The following PTPRD variants were observed in gnomAD, a reference collection of about 807,000 sequenced individuals.
PTPRD encodes receptor-type tyrosine-protein phosphatase delta.
In PTPRD, 34 loss-of-function variants were observed where a neutral mutation model predicts 214.5. The observed-to-expected ratio is 0.16, with a 90% confidence interval of 0.12 to 0.21. The LOEUF (loss-of-function observed/expected upper bound fraction) is 0.21. Ranked by LOEUF, PTPRD falls within the 10% of genes least tolerant of loss-of-function variation. PTPRD has a pLI of 1.00. For synonymous variants in PTPRD, 1,128 were observed against 845.7 expected, an observed-to-expected ratio of 1.33 and a Z score of -5.79; for missense variants, 2,545 against 2,398.7, an observed-to-expected ratio of 1.06 and a Z score of -1.27.
intron 10 of PTPRD, among the ~76,000 whole-genome samples, chr9:9,074,671 AT>A (rs2099748449): frequency 1.3e-5 from 2 of 152,014 alleles, no homozygotes; most frequent in African/African-American, 4.8e-5. Flanking sequence ...CTTTTGAGAA[AT>A]GTCTATTCAG....
intron 5 of PTPRD, among the ~76,000 whole-genome samples, chr9:9,856,227 C>T (rs1486497509): frequency 6.6e-6 from 1 of 152,128 alleles, no homozygotes; most frequent in East Asian, 1.9e-4. Flanking sequence ...GACATCCAGC[C>T]ACTCTTCCTC....
intron 4 of PTPRD, among the ~76,000 whole-genome samples, chr9:9,954,191 G>T (rs1203349030): frequency 6.0e-5 from 9 of 150,728 alleles, no homozygotes; most frequent in Non-Finnish European, 1.2e-4. Flanking sequence ...AGCTACTTGG[G>T]AGGCTGAGGG....
At chr9:10,179,243 C>A (rs1384939906) in intron 3 of PTPRD, among the ~76,000 whole-genome samples, 1 of 151,400 alleles carries the variant, frequency 6.6e-6, no homozygotes, top group Admixed American at 6.6e-5. Flanking sequence ...ATGCTTTTTT[C>A]AGCTTAAAAG....
chr9:8,435,700 TACACACACAC>T (rs3043782), intron 35 of PTPRD, among the ~76,000 whole-genome samples: 6 of 148,778 alleles, frequency 4.0e-5, no homozygotes, highest in African/African-American at 7.4e-5. Context: ...AATATCCAAA[TACACACACAC>T]ACACACACAC....
At chr9:9,170,237 A>G (rs1356024389) in intron 10 of PTPRD, among the ~76,000 whole-genome samples, 11 of 152,188 alleles carry the variant, frequency 7.2e-5, no homozygotes, top group Non-Finnish European at 1.2e-4. Context: ...ACTAAGCTGA[A>G]TTATTTTTCT....
rs535494466 is a variant in PTPRD, at chr9:8,930,682, C to A, written c.-104+88015G>T. 7.6e-4 allele frequency among the ~76,000 whole-genome samples: 115 copies of A among 152,136 alleles called. 2 individuals carry two copies. The highest frequency in any genetic ancestry group is 6.4e-3 in the Admixed American group (98 of 15,250). ...ACTGGTGTGAGATGGTATCTCATTG[C>A]AGCTTGATTTGCATTTCTCTGATGG... On this transcript the variant is annotated intron_variant, in intron 11 of 45. Coordinates refer to ENST00000381196, the MANE Select transcript of PTPRD (RefSeq NM_002839.4).
At chr9:10,017,378 T>G (rs899161812) in intron 4 of PTPRD, among the ~76,000 whole-genome samples, 2 of 152,276 alleles carry the variant, frequency 1.3e-5, no homozygotes, top group South Asian at 4.1e-4. Context: ...TTTTTTGGCT[T>G]TACTAATTTT....
chr9:8,827,851 C>T (rs191003839), intron 11 of PTPRD, among the ~76,000 whole-genome samples: 1 of 152,034 alleles, frequency 6.6e-6, no homozygotes, highest in Non-Finnish European at 1.5e-5. Flanking sequence ...TGAATAGGAC[C>T]TATTGAAAAG....
At chr9:8,928,178 T>C (rs112419783) in intron 11 of PTPRD, among the ~76,000 whole-genome samples, 115 of 152,314 alleles carry the variant, frequency 7.6e-4, no homozygotes, top group African/African-American at 2.7e-3. Flanking sequence ...CGATAGTTTC[T>C]TTTGCTGTTC....
At chr9:9,203,983 T>C (rs1474626956) in intron 9 of PTPRD, among the ~76,000 whole-genome samples, 1 of 152,186 alleles carries the variant, frequency 6.6e-6, no homozygotes, top group Non-Finnish European at 1.5e-5. Flanking sequence ...AGGCACAATA[T>C]ATCTCTGATT....
intron 7 of PTPRD, among the ~76,000 whole-genome samples, chr9:9,688,771 C>A (rs2097210301): frequency 6.6e-6 from 1 of 151,602 alleles, no homozygotes. Context: ...AGTAATACAC[C>A]TTCTTCTGCA....
intron 3 of PTPRD, among the ~76,000 whole-genome samples, chr9:10,112,995 G>C (rs563741129): frequency 6.6e-6 from 1 of 152,348 alleles, no homozygotes; most frequent in South Asian, 2.1e-4. Context: ...ATCCTGCCCA[G>C]ACACAGGAAG....
At chr9:9,649,993 G>C (rs916542286) in intron 7 of PTPRD, among the ~76,000 whole-genome samples, 1 of 152,048 alleles carries the variant, frequency 6.6e-6, no homozygotes, top group Non-Finnish European at 1.5e-5. Flanking sequence ...AGCATGCCAG[G>C]GGTAGAATGA....
intron 8 of PTPRD, among the ~76,000 whole-genome samples, chr9:9,471,034 T>G (rs2094551763): frequency 6.6e-6 from 1 of 152,176 alleles, no homozygotes; most frequent in African/African-American, 2.4e-5. Context: ...AATATCAGGT[T>G]GTAACATGCA....
chr9:10,218,008 G>A (rs947117466), intron 3 of PTPRD, among the ~76,000 whole-genome samples: 2 of 151,682 alleles, frequency 1.3e-5, no homozygotes, highest in Non-Finnish European at 1.5e-5. Flanking sequence ...GGGGTAGGGG[G>A]GTTAATTCTA....
chr9:8,376,778 TA>T (rs1315920323), intron 37 of PTPRD, 52 bp from the exon 38 acceptor site: 1 of 1,603,012 alleles, frequency 6.2e-7, no homozygotes, highest in Admixed American at 1.7e-5. Context: ...ATTTCTCTAT[TA>T]ACTTTGCTTT....
chr9:9,473,176 G>A (rs2094752279), intron 8 of PTPRD, among the ~76,000 whole-genome samples: 1 of 152,098 alleles, frequency 6.6e-6, no homozygotes, highest in South Asian at 2.1e-4. Context: ...ACTTCTGAGA[G>A]ATGATTTTTA....
chr9:10,280,354 TAAACACCACACAC>T (rs2095028730), intron 3 of PTPRD, among the ~76,000 whole-genome samples: 1 of 134,464 alleles, frequency 7.4e-6, no homozygotes, highest in African/African-American at 3.6e-5. Context: ...TTTAAATACA[TAAACACCACACAC>T]ACACACACAC....
chr9:8,849,159 A>G (rs1489386629), intron 11 of PTPRD, among the ~76,000 whole-genome samples: 1 of 148,204 alleles, frequency 6.7e-6, no homozygotes, highest in East Asian at 2.0e-4. Context: ...ATTCTACTCA[A>G]CTCAAAAAAA....
Sources: gnomAD v4.1 joint callset for allele counts (sites outside exome capture counted in the v4.1 genomes callset) on GRCh38, gnomAD v4.1.1 for gene constraint, MANE v1.5 for transcripts, NCBI Gene and HGNC (gene_info 2026-07-23, HGNC 2026-07-21) for gene names.